Variants in C12orf42 observed in about 807,000 individuals in gnomAD.
C12orf42 encodes chromosome 12 open reading frame 42.
A neutral mutation model predicts 21.6 loss-of-function variants in C12orf42; 25 were observed. That is an observed-to-expected ratio of 1.16 (90% CI 0.84 to 1.62). The LOEUF is 1.62. Ranked by LOEUF, C12orf42 falls within the 40% of genes most tolerant of loss-of-function variation. The pLI, the probability that C12orf42 is intolerant of heterozygous loss-of-function variation, is 0.00. For missense variants in C12orf42, 483 were observed against 459.3 expected, an observed-to-expected ratio of 1.05 and a Z score of -0.47; for synonymous variants, 174 against 175.0, an observed-to-expected ratio of 0.99 and a Z score of 0.05.
chr12:103,470,159 G>C (rs1953477469), intron 2 of C12orf42, among the ~76,000 whole-genome samples: 1 of 152,196 alleles, frequency 6.6e-6, no homozygotes, highest in African/African-American at 2.4e-5. Flanking sequence ...AATGCAGAAA[G>C]AATGGAGAGG....
intron 2 of C12orf42, among the ~76,000 whole-genome samples, chr12:103,466,372 G>A (rs991471737): frequency 6.6e-6 from 1 of 152,078 alleles, no homozygotes; most frequent in African/African-American, 2.4e-5. Flanking sequence ...GTCTCCCAGA[G>A]GGTTTTGTAG....
the C12orf42 span, among the ~76,000 whole-genome samples, chr12:103,124,885 G>A: frequency 1.9e-4 from 29 of 152,168 alleles, no homozygotes; most frequent in African/African-American, 6.7e-4. Flanking sequence ...ATTTATATAT[G>A]GTTATATCCA....
chr12:103,196,877 T>C, the C12orf42 span, among the ~76,000 whole-genome samples: 42 of 152,170 alleles, frequency 2.8e-4, no homozygotes, highest in African/African-American at 9.9e-4. Flanking sequence ...CAACTTGTCA[T>C]TGTGTGCCTT....
At chr12:103,419,453 G>A (rs972597630) in intron 2 of C12orf42, among the ~76,000 whole-genome samples, 1 of 152,096 alleles carries the variant, frequency 6.6e-6, no homozygotes, top group Admixed American at 6.5e-5. Flanking sequence ...AGGACATAGA[G>A]GAGATGGGTG....
intron 2 of C12orf42, among the ~76,000 whole-genome samples, chr12:103,466,651 C>A (rs1407939646): frequency 6.6e-6 from 1 of 152,076 alleles, no homozygotes; most frequent in Non-Finnish European, 1.5e-5. Context: ...TAAAACATTA[C>A]CCCATGTGGT....
At chr12:103,129,753 G>A in the C12orf42 span, among the ~76,000 whole-genome samples, 1 of 152,154 alleles carries the variant, frequency 6.6e-6, no homozygotes, top group Non-Finnish European at 1.5e-5. Flanking sequence ...CCATACTCCA[G>A]AAAGCTAAAT....
intron 4 of C12orf42, among the ~76,000 whole-genome samples, chr12:103,325,439 C>T (rs1360516738): frequency 1.3e-5 from 2 of 152,240 alleles, no homozygotes; most frequent in African/African-American, 2.4e-5. Flanking sequence ...TTCTCTCTCA[C>T]ATCATCAGCC....
chr12:103,422,899 G>A (rs936607573), intron 2 of C12orf42, among the ~76,000 whole-genome samples: 10 of 150,810 alleles, frequency 6.6e-5, no homozygotes, highest in East Asian at 3.9e-4. Flanking sequence ...AAATAGGCCC[G>A]ATTATGTGGG....
chr12:103,190,280 C>T, the C12orf42 span, among the ~76,000 whole-genome samples: 1 of 152,190 alleles, frequency 6.6e-6, no homozygotes, highest in Non-Finnish European at 1.5e-5. Context: ...ACTCAGCAAG[C>T]TGCTTATCCC....
At chr12:103,494,880 C>T (rs565801130) in intron 1 of C12orf42, among the ~76,000 whole-genome samples, 2 of 152,020 alleles carry the variant, frequency 1.3e-5, no homozygotes, top group East Asian at 1.9e-4. Flanking sequence ...GAGGGTTTCC[C>T]GGGAGGGGGC....
At chr12:103,538,451 A>C in the C12orf42 span, among the ~76,000 whole-genome samples, 175 of 152,334 alleles carry the variant, frequency 1.1e-3, no homozygotes, top group African/African-American at 4.0e-3. Flanking sequence ...TGGAAACTAC[A>C]ACTCTCAGAG....
rs116097589 is a variant in C12orf42 at position 103,282,702 on chromosome 12, G to T, written n.338-5492C>A. Among the ~76,000 whole-genome samples the T allele has an allele frequency of 7.9e-3, 1,197 of 152,300 alleles. 22 individuals are homozygous for T. Among genetic ancestry groups the T allele is most frequent in the African/African-American group, 0.028 (1,147 of 41,548 alleles). On this transcript the variant is annotated intron_variant and non_coding_transcript_variant, in intron 4 of 6. Coordinates refer to the C12orf42 transcript ENST00000546526. ...GGTGATTTGTACAATGGAAAAAAGC[G>T]ATGAGGACTCTAATTAAAGTACGTA...
At chr12:103,392,851 G>T (rs1456297318) in intron 3 of C12orf42, among the ~76,000 whole-genome samples, 2 of 152,162 alleles carry the variant, frequency 1.3e-5, no homozygotes, top group African/African-American at 4.8e-5. Context: ...TGGCAGCTGT[G>T]CAGTAGCAGA....
chr12:103,282,524 T>A (rs971013364), intron 4 of C12orf42, among the ~76,000 whole-genome samples: 3 of 152,168 alleles, frequency 2.0e-5, no homozygotes, highest in African/African-American at 7.2e-5. Flanking sequence ...ATAGGATATA[T>A]CATATAGCCT....
the C12orf42 span, among the ~76,000 whole-genome samples, chr12:103,517,320 T>C: frequency 6.6e-6 from 1 of 152,212 alleles, no homozygotes; most frequent in African/African-American, 2.4e-5. Context: ...GAATTACATA[T>C]CCACATTGTC....
At chr12:103,443,376 T>C (rs7310675) in intron 2 of C12orf42, among the ~76,000 whole-genome samples, 27,537 of 151,904 alleles carry the variant, frequency 0.18, 2,895 homozygotes, top group East Asian at 0.35. Flanking sequence ...GTTTCCTCCA[T>C]GTTGCAAATA....
chr12:103,315,028 G>C (rs2039324169), intron 4 of C12orf42, among the ~76,000 whole-genome samples: 1 of 152,038 alleles, frequency 6.6e-6, no homozygotes, highest in African/African-American at 2.4e-5. Context: ...GAAAAAGAAA[G>C]AACACTGGAC....
At chr12:103,537,613 G>T in the C12orf42 span, among the ~76,000 whole-genome samples, 1 of 152,192 alleles carries the variant, frequency 6.6e-6, no homozygotes, top group Non-Finnish European at 1.5e-5. Flanking sequence ...AAAGGGGAGC[G>T]CTACCATCTT....
intron 2 of C12orf42, among the ~76,000 whole-genome samples, chr12:103,442,354 C>G (rs144266533): frequency 4.9e-4 from 74 of 152,252 alleles, no homozygotes; most frequent in African/African-American, 1.5e-3. Flanking sequence ...GATGACAGTT[C>G]TGTGAACAAT....
Sources: allele counts gnomAD v4.1 joint callset (sites outside exome capture counted in the v4.1 genomes callset), GRCh38; gene constraint gnomAD v4.1.1; transcripts MANE v1.5; gene names NCBI Gene and HGNC (gene_info 2026-07-23, HGNC 2026-07-21).